Variants in SORCS3 observed in about 807,000 individuals in gnomAD.
SORCS3 encodes the protein VPS10 domain-containing receptor SorCS3.
A neutral mutation model predicts 146.3 loss-of-function variants in SORCS3; 57 were observed. The ratio of observed to expected loss-of-function variants is 0.39; its 90% CI spans 0.31 to 0.49. SORCS3 has a LOEUF of 0.49. Among genes scored for constraint, SORCS3 ranks in the 20% least tolerant of loss-of-function variants. The probability of loss-of-function intolerance (pLI) is 0.92; values close to 1 mark genes in which losing one functional copy is unlikely to be tolerated. For missense variants in SORCS3, 1,341 were observed against 1,575.5 expected, an observed-to-expected ratio of 0.85 and a Z score of 2.52; for synonymous variants, 653 against 618.5, an observed-to-expected ratio of 1.06 and a Z score of -0.83.
At chr10:104,721,032 T>C (rs965898752) in intron 1 of SORCS3, among the ~76,000 whole-genome samples, 6 of 152,240 alleles carry the variant, frequency 3.9e-5, no homozygotes, top group Non-Finnish European at 5.9e-5. Flanking sequence ...TTTGGTGTTA[T>C]AGACATGAAG....
chr10:104,949,352 G>A (rs1188339505), intron 3 of SORCS3, among the ~76,000 whole-genome samples: 5 of 152,098 alleles, frequency 3.3e-5, no homozygotes, highest in Non-Finnish European at 7.4e-5. Flanking sequence ...TTGAGTCTGG[G>A]CAGTCAGGCT....
chr10:104,746,696 A>G (rs2016915900), intron 1 of SORCS3, among the ~76,000 whole-genome samples: 1 of 152,136 alleles, frequency 6.6e-6, no homozygotes, highest in African/African-American at 2.4e-5. Context: ...TGTAACCCTC[A>G]TTCTACTCTC....
chr10:105,131,656 G>A (rs553331478), intron 7 of SORCS3, among the ~76,000 whole-genome samples: 4 of 152,204 alleles, frequency 2.6e-5, no homozygotes, highest in East Asian at 1.9e-4. Context: ...GGTTTGATTC[G>A]TTCATGGTTT....
At chr10:105,145,247 A>G (rs1413538518) in intron 8 of SORCS3, among the ~76,000 whole-genome samples, 1 of 152,168 alleles carries the variant, frequency 6.6e-6, no homozygotes, top group African/African-American at 2.4e-5. Flanking sequence ...TTAAATTAAG[A>G]TAAAATTGTA....
intron 2 of SORCS3, among the ~76,000 whole-genome samples, chr10:104,855,670 A>G (rs1242383793): frequency 3.3e-5 from 5 of 152,076 alleles, no homozygotes; most frequent in Non-Finnish European, 5.9e-5. Flanking sequence ...GTGTGTTGAC[A>G]TTATTTCCCC....
intron 4 of SORCS3, among the ~76,000 whole-genome samples, chr10:104,990,652 G>A (rs1259062091): frequency 6.6e-6 from 1 of 152,086 alleles, no homozygotes; most frequent in East Asian, 1.9e-4. Flanking sequence ...ACTTTATAGA[G>A]GTGATTAAGT....
intron 13 of SORCS3, among the ~76,000 whole-genome samples, chr10:105,168,232 A>G (rs1395187218): frequency 6.6e-6 from 1 of 152,196 alleles, no homozygotes; most frequent in Non-Finnish European, 1.5e-5. Context: ...TAGAGACAGT[A>G]TAGATTATTC....
chr10:104,702,310 GTC>G (rs1246574478), intron 1 of SORCS3, among the ~76,000 whole-genome samples: 1 of 152,108 alleles, frequency 6.6e-6, no homozygotes, highest in East Asian at 1.9e-4. Flanking sequence ...TTGAGACCTA[GTC>G]TCTCTTTGTC....
chr10:104,864,009 C>T (rs2018433520), intron 2 of SORCS3, among the ~76,000 whole-genome samples: 1 of 152,170 alleles, frequency 6.6e-6, no homozygotes, highest in African/African-American at 2.4e-5. Context: ...GCAATATGTG[C>T]TCAGGGGCAG....
intron 5 of SORCS3, among the ~76,000 whole-genome samples, chr10:105,045,022 A>AG (rs1491401563): frequency 3.0e-5 from 1 of 33,048 alleles, no homozygotes; most frequent in Admixed American, 4.9e-4. Flanking sequence ...CCAGAATTCG[A>AG]AAAAAAAAAA....
At chr10:104,893,645 G>A (rs567528053) in intron 2 of SORCS3, among the ~76,000 whole-genome samples, 1 of 152,302 alleles carries the variant, frequency 6.6e-6, no homozygotes, top group East Asian at 1.9e-4. Flanking sequence ...CTGGTCCTTT[G>A]TAGAGTCTGT....
chr10:104,932,589 G>T (rs946025787), intron 3 of SORCS3, among the ~76,000 whole-genome samples: 3 of 152,242 alleles, frequency 2.0e-5, no homozygotes, highest in African/African-American at 7.2e-5. Flanking sequence ...TGGTGTTCAT[G>T]TGGTTCTGTC....
intron 1 of SORCS3, among the ~76,000 whole-genome samples, chr10:104,657,622 C>G (rs1315027988): frequency 2.6e-5 from 4 of 152,312 alleles, no homozygotes; most frequent in Non-Finnish European, 5.9e-5. Context: ...ATTGTCTACT[C>G]TTTTTCCTTC....
chr10:104,793,848 G>T (rs1308300184), intron 1 of SORCS3, among the ~76,000 whole-genome samples: 1 of 152,164 alleles, frequency 6.6e-6, no homozygotes, highest in African/African-American at 2.4e-5. Flanking sequence ...CATCTGGATG[G>T]CAGGTGGAAA....
At chr10:105,012,402 A>T (rs2055141015) in intron 4 of SORCS3, among the ~76,000 whole-genome samples, 1 of 152,152 alleles carries the variant, frequency 6.6e-6, no homozygotes, top group African/African-American at 2.4e-5. Context: ...ATGGTTTGTC[A>T]AGGTCTTGCC....
chr10:104,750,387 A>T (rs1031546106), intron 1 of SORCS3, among the ~76,000 whole-genome samples: 1 of 152,196 alleles, frequency 6.6e-6, no homozygotes, highest in Non-Finnish European at 1.5e-5. Flanking sequence ...TTTGTATGTA[A>T]GGAAAACTGA....
chr10:105,082,818 C>A (rs1287392989), intron 5 of SORCS3, among the ~76,000 whole-genome samples: 1 of 152,148 alleles, frequency 6.6e-6, no homozygotes, highest in Admixed American at 6.5e-5. Context: ...GCAACCCCTG[C>A]CTCCGAGGTT....
chr10:104,657,349 G>A (rs2015643785), intron 1 of SORCS3, among the ~76,000 whole-genome samples: 1 of 152,218 alleles, frequency 6.6e-6, no homozygotes, highest in Non-Finnish European at 1.5e-5. Flanking sequence ...TGAGATTTAG[G>A]TGGTTTATTT....
At chr10:105,026,857 G>A (rs1229787033) in intron 4 of SORCS3, among the ~76,000 whole-genome samples, 1 of 152,170 alleles carries the variant, frequency 6.6e-6, no homozygotes, top group African/African-American at 2.4e-5. Context: ...ACCAAGGGGT[G>A]AAAAACCACC....
Sources: allele counts gnomAD v4.1 joint callset (sites outside exome capture counted in the v4.1 genomes callset), GRCh38; gene constraint gnomAD v4.1.1; transcripts MANE v1.5; gene names NCBI Gene and HGNC (gene_info 2026-07-23, HGNC 2026-07-21).